Variants in DACH2 observed in about 807,000 individuals in gnomAD.
DACH2 encodes dachshund homolog 2.
In DACH2, 17 loss-of-function variants were observed where a neutral mutation model predicts 35.8. That is an observed-to-expected ratio of 0.48 (90% CI 0.33 to 0.71). The LOEUF is 0.71. Ranked by LOEUF, DACH2 falls within the 30% of genes least tolerant of loss-of-function variation. The pLI, the probability that DACH2 is intolerant of heterozygous loss-of-function variation, is 0.02. For missense variants in DACH2, 469 were observed against 472.7 expected, an observed-to-expected ratio of 0.99 and a Z score of 0.07; for synonymous variants, 195 against 177.3, an observed-to-expected ratio of 1.10 and a Z score of -0.79.
intron 3 of DACH2, among the ~76,000 whole-genome samples, chrX:86,577,924 G>A (rs1319326701): frequency 8.9e-6 from 1 of 111,796 alleles, no homozygotes; most frequent in Admixed American, 9.5e-5. Context: ...CATATACCTT[G>A]ACCTATTCAA....
intron 1 of DACH2, among the ~76,000 whole-genome samples, chrX:86,231,172 A>C: frequency 8.9e-6 from 1 of 111,744 alleles, no homozygotes; most frequent in Non-Finnish European, 1.9e-5. Flanking sequence ...AGAGGTTTTC[A>C]TAGGTTGTGT....
chrX:86,517,361 T>C (rs980977884), intron 3 of DACH2, among the ~76,000 whole-genome samples: 5 of 111,420 alleles, frequency 4.5e-5, no homozygotes, highest in Admixed American at 9.6e-5. Flanking sequence ...CTTCATATGC[T>C]TGTTGGCTGC....
At chrX:86,455,227 T>C (rs2037453686) in intron 2 of DACH2, among the ~76,000 whole-genome samples, 1 of 110,850 alleles carries the variant, frequency 9.0e-6, no homozygotes. Context: ...TGGAGACCCA[T>C]TTTTGGAGGT....
At chrX:86,788,531 A>G (rs1476394308) in intron 7 of DACH2, among the ~76,000 whole-genome samples, 2 of 112,106 alleles carry the variant, frequency 1.8e-5, no homozygotes, top group South Asian at 3.7e-4. Flanking sequence ...TTGGACTGCA[A>G]TGATATGCAA....
chrX:86,644,512 T>A (rs2148401369), intron 3 of DACH2, among the ~76,000 whole-genome samples: 1 of 111,396 alleles, frequency 9.0e-6, no homozygotes. Context: ...AATGTACAAA[T>A]TTAACACTAT....
intron 3 of DACH2, among the ~76,000 whole-genome samples, chrX:86,630,424 A>G (rs1306764821): frequency 1.9e-5 from 2 of 106,582 alleles, no homozygotes; most frequent in African/African-American, 3.4e-5. Context: ...ATATACACAC[A>G]TATATATATA....
intron 2 of DACH2, among the ~76,000 whole-genome samples, chrX:86,457,213 T>C (rs2037491693): frequency 8.9e-6 from 1 of 111,892 alleles, no homozygotes; most frequent in Non-Finnish European, 1.9e-5. Context: ...GAATGAGTCA[T>C]CACAGCAGCC....
intron 6 of DACH2, among the ~76,000 whole-genome samples, chrX:86,719,086 G>GT (rs1488034282): frequency 2.7e-5 from 3 of 111,982 alleles, no homozygotes; most frequent in Non-Finnish European, 5.6e-5. Flanking sequence ...AATAATGTTA[G>GT]TTTTTTCTAA....
intron 3 of DACH2, among the ~76,000 whole-genome samples, chrX:86,525,675 A>AT (rs2038621601): frequency 9.0e-6 from 1 of 111,455 alleles, no homozygotes; most frequent in Non-Finnish European, 1.9e-5. Context: ...GTTGCTCCAC[A>AT]TTTGCAGTTT....
At chrX:86,400,179 C>G (rs1341235723) in intron 2 of DACH2, among the ~76,000 whole-genome samples, 1 of 111,999 alleles carries the variant, frequency 8.9e-6, no homozygotes, top group Non-Finnish European at 1.9e-5. Context: ...GCATCGGCTA[C>G]TGAGGCTTGT....
At chrX:86,368,807 G>A (rs762758972) in intron 1 of DACH2, among the ~76,000 whole-genome samples, 48 of 110,512 alleles carry the variant, frequency 4.3e-4, no homozygotes, top group African/African-American at 1.4e-3. Flanking sequence ...GAGGGATTAC[G>A]GATGTAAGCC....
chrX:86,800,108 C>T (rs2042277535), intron 7 of DACH2, among the ~76,000 whole-genome samples: 1 of 112,092 alleles, frequency 8.9e-6, no homozygotes, highest in Non-Finnish European at 1.9e-5. Flanking sequence ...TTTGTATAAT[C>T]ATTTACGTTC....
intron 2 of DACH2, among the ~76,000 whole-genome samples, chrX:86,509,767 G>C (rs773439367): frequency 8.9e-6 from 1 of 112,040 alleles, no homozygotes; most frequent in Non-Finnish European, 1.9e-5. Context: ...CACTTTCATA[G>C]TCAGGTAAAC....
chrX:86,641,824 A>G (rs1569458408), intron 3 of DACH2, among the ~76,000 whole-genome samples: 1 of 112,185 alleles, frequency 8.9e-6, no homozygotes, highest in Non-Finnish European at 1.9e-5. Context: ...AAAGAAAAAA[A>G]TCTTCAACCA....
At chrX:86,153,356 C>T (rs2030432623) in intron 1 of DACH2, among the ~76,000 whole-genome samples, 1 of 111,123 alleles carries the variant, frequency 9.0e-6, no homozygotes, top group African/African-American at 3.3e-5. Context: ...TATCAAAGCA[C>T]ATTTTACAAC....
intron 7 of DACH2, among the ~76,000 whole-genome samples, chrX:86,785,965 G>A (rs2042132852): frequency 9.0e-6 from 1 of 111,150 alleles, no homozygotes; most frequent in Non-Finnish European, 1.9e-5. Context: ...CTCAGAATTC[G>A]ACAATCATAT....
At chrX:86,461,352 C>A (rs957230176) in intron 2 of DACH2, among the ~76,000 whole-genome samples, 3 of 111,363 alleles carry the variant, frequency 2.7e-5, no homozygotes, top group East Asian at 5.6e-4. Context: ...TAATGTTCAA[C>A]AAAATAGGAT....
chrX:86,555,650 C>G (rs1371626438), intron 3 of DACH2, among the ~76,000 whole-genome samples: 2 of 111,441 alleles, frequency 1.8e-5, no homozygotes, highest in Non-Finnish European at 1.9e-5. Flanking sequence ...TGGGTATCGG[C>G]ACGTTATGTC....
intron 1 of DACH2, among the ~76,000 whole-genome samples, chrX:86,219,884 G>A (rs982356890): frequency 5.5e-5 from 6 of 108,150 alleles, no homozygotes; most frequent in East Asian, 2.9e-4. Context: ...GGCCGGGAGC[G>A]GTGGCTCACA....
Sources: gnomAD v4.1 joint callset for allele counts (sites outside exome capture counted in the v4.1 genomes callset) on GRCh38, gnomAD v4.1.1 for gene constraint, MANE v1.5 for transcripts, NCBI Gene and HGNC (gene_info 2026-07-23, HGNC 2026-07-21) for gene names.